The following CIC variants were observed in gnomAD, a reference collection of about 807,000 sequenced individuals.
The protein encoded by CIC is capicua transcriptional repressor, also known as protein capicua homolog.
Under a neutral mutation model 115.7 loss-of-function variants are expected in CIC, and 18 were observed. The observed-to-expected ratio is 0.16, with a 90% CI of 0.11 to 0.23. CIC has a LOEUF of 0.23. Ranked by LOEUF, CIC falls within the 10% of genes least tolerant of loss-of-function variation. The pLI, the probability that CIC is intolerant of heterozygous loss-of-function variation, is 1.00. For synonymous variants in CIC, 1,076 were observed against 923.0 expected, an observed-to-expected ratio of 1.17 and a Z score of -3.01; for missense variants, 2,000 against 2,159.3, an observed-to-expected ratio of 0.93 and a Z score of 1.46.
At position 42,293,815 on chromosome 19, in the gene CIC, A is replaced by G; in HGVS notation, c.6746A>G (p.Lys2249Arg). 1.2e-6 allele frequency: 2 copies of G among 1,612,498 alleles called. No homozygotes were observed. Among genetic ancestry groups the G allele is most frequent in the Non-Finnish European group, 1.7e-6 (2 of 1,179,378 alleles). The change falls in exon 17 of 21, where the codon AAG becomes AGG. Residue 2249 changes from lysine (K) to arginine (R), a missense_variant. This residue lies in a region of CIC where 99 missense variants were observed against 217.6 expected (regional missense o/e 0.45). Transcript: ENST00000681038. ...KVKVRPPPLK[K>R]TFDSVDNRVL... ...AAGGTGCGGCCCCCGCCCCTGAAGAAGACCTTTGACTCTGTGGACAAGTGA... is the reference window on the plus strand; with the variant it reads ...AAGGTGCGGCCCCCGCCCCTGAAGAGGACCTTTGACTCTGTGGACAAGTGA...
At position 42,271,778 on chromosome 19, in the gene CIC, A is replaced by G; in HGVS notation, c.-6A>G. 2.5e-6 allele frequency: 1 copy of G among 398,694 alleles called. No individual in the cohort carries two copies. The highest frequency in any genetic ancestry group is 4.4e-6 in the Non-Finnish European group (1 of 226,118). The allele number at this position is 398,694 out of a possible 1,614,324, so 24.7% of individuals were successfully genotyped here. On this transcript the variant is annotated 5_prime_UTR_variant, in exon 2 of 21. Transcript: ENST00000681038. ...CTCCGCTCTCCCACCCTGCAGGTGG[A>G]CAAAAATGAAGCCAATGAAGAAGGC...
chr19:42,289,289 C>T lies in CIC; in HGVS notation c.3970C>T (p.Arg1324Trp), dbSNP rs769792673. Residue 1324 changes from arginine (R) to tryptophan (W), a missense_variant, in exon 9 of 21, where the codon CGG (arginine) becomes TGG (tryptophan). Transcript: ENST00000681038. ...GEGGALAATG[R>W]PPLLPTRASR... ...GGGAGGTGCCTTGGCGGCCACTGGG[C>T]GGCCCCCGCTGCTGCCCACCCGAGC... is the stretch of plus-strand genomic sequence containing the variant. The T allele has an allele frequency of 5.0e-6, 8 of 1,613,748 alleles. No homozygotes were observed. The highest frequency in any genetic ancestry group is 2.7e-5 in the African/African-American group (2 of 74,946).
chr19:42,276,221 A>G (rs1470338905), intron 2 of CIC, among the ~76,000 whole-genome samples: 1 of 152,224 alleles, frequency 6.6e-6, no homozygotes, highest in African/African-American at 2.4e-5. Flanking sequence ...TGGAAAGTCA[A>G]AGACTCTAAA....
In CIC at chr19:42,272,448, G is replaced by T; in HGVS notation, c.665G>T (p.Arg222Leu). 2.5e-6 allele frequency: 1 copy of T among 398,532 alleles called. No individual in the cohort carries two copies. The allele number at this position is 398,532 out of a possible 1,614,324, so 24.7% of individuals were successfully genotyped here. A position where few individuals can be genotyped will look rare whatever the true frequency, so the allele number is the denominator to read the frequency against. Residue 222 changes from arginine (R) to leucine (L), a missense_variant, in exon 2 of 21, where the codon CGC becomes CTC. By Grantham distance (102) the Arg-to-Leu change is moderately radical (BLOSUM62 -2). Around this residue, in one of 8 missense-constraint regions of CIC, gnomAD observed 222 missense variants for 247.7 expected, o/e 0.90. Transcript: ENST00000681038. Reference protein sequence around the residue: ...GDGLFLPAVVRQVRRSQDLGV... With the variant: ...GDGLFLPAVVLQVRRSQDLGV... ...GGCCTTTTCCTGCCGGCTGTGGTGC[G>T]CCAGGTGCGCCGAAGCCAGGACCTG...
At chr19:42,293,506 G>A (rs1483600974) in intron 16 of CIC, 86 bp from the exon 17 acceptor site, 11 of 1,600,922 alleles carry the variant, frequency 6.9e-6, no homozygotes, top group South Asian at 5.6e-5. Context: ...TCTGCTGGGC[G>A]GGCTCAGATC....
chr19:42,289,053 G>A lies in CIC; in HGVS notation c.3824G>A (p.Gly1275Glu). 1 of 1,613,710 alleles carries A rather than the reference G, an allele frequency of 6.2e-7. No individual in the cohort carries two copies. Among genetic ancestry groups the A allele is most frequent in the Non-Finnish European group, 8.5e-7 (1 of 1,180,042 alleles). Residue 1275 changes from glycine (G) to glutamate (E), a missense_variant, in exon 8 of 21, where the codon GGA becomes GAA. Gly to Glu is a moderately conservative substitution (Grantham distance 98). Around this residue, in one of 8 missense-constraint regions of CIC, gnomAD observed 1,466 missense variants for 1,390.4 expected, o/e 1.05. Coordinates refer to ENST00000681038, the MANE Select transcript of CIC (RefSeq NM_001386298.1). The part of the protein sequence containing the change: ...SHSGVHSLDG[G>E]EVDSQALQEL... The stretch of plus-strand genomic sequence containing the variant: ...AGCGGGGTACACAGCCTGGACGGCG[G>A]AGAAGTAGACAGTCAGGCGCTACAG...
chr19:42,288,421 G>T (rs12984944), intron 7 of CIC, among the ~76,000 whole-genome samples: 5 of 152,280 alleles, frequency 3.3e-5, no homozygotes, highest in Non-Finnish European at 7.4e-5. Flanking sequence ...ACCCCTGATG[G>T]GCTGCTTCCA....
chr19:42,289,695 G>A (rs955705551), intron 9 of CIC, among the ~76,000 whole-genome samples, 153 bp from the exon 10 acceptor site: 1 of 152,142 alleles, frequency 6.6e-6, no homozygotes, highest in African/African-American at 2.4e-5. Flanking sequence ...GTGGGCACTG[G>A]GCATGTGGGC....
chr19:42,293,416 G>C, intron 16 of CIC, 135 bp downstream of exon 16: 1 of 1,342,278 alleles, frequency 7.5e-7, no homozygotes, highest in Non-Finnish European at 1.0e-6. Flanking sequence ...TGTCCCTTCT[G>C]CCTGCCTGTG....
chr19:42,291,805 T>TTA (rs2038136756), intron 12 of CIC, 60 bp downstream of exon 12: 6 of 1,597,124 alleles, frequency 3.8e-6, no homozygotes, highest in Non-Finnish European at 5.1e-6. Flanking sequence ...CATCATTTCT[T>TTA]TGTCTTTTTT....
chr19:42,274,009 T>G lies in CIC; in HGVS notation c.2226T>G (p.Ser742Arg), dbSNP rs1297743743. The G allele has an allele frequency of 5.0e-6, 2 of 398,430 alleles. No individual in the cohort carries two copies. Among genetic ancestry groups the G allele is most frequent in the Non-Finnish European group, 8.8e-6 (2 of 226,142 alleles). The allele number at this position is 398,430 out of a possible 1,614,324, so 24.7% of individuals were successfully genotyped here. A position where few individuals can be genotyped will look rare whatever the true frequency, so the allele number is the denominator to read the frequency against. The change falls in exon 2 of 21, where the codon AGT (serine) becomes AGG (arginine). Residue 742 changes from serine (S) to arginine (R), a missense_variant. Transcript: ENST00000681038. Reference sequence around the variant, plus strand: ...GAGCCGCCCCAGACTTTCCCAAGAGTGACAGCTTAGACTCTGGTGTGGACT... The same window carrying G: ...GAGCCGCCCCAGACTTTCCCAAGAGGGACAGCTTAGACTCTGGTGTGGACT... ...GGGAAPDFPK[S>R]DSLDSGVDSV... is the part of the protein sequence containing the mutation.
At chr19:42,277,960 C>T (rs568667806) in intron 2 of CIC, among the ~76,000 whole-genome samples, 1 of 152,378 alleles carries the variant, frequency 6.6e-6, no homozygotes, top group African/African-American at 2.4e-5. Flanking sequence ...CCAGATAGGG[C>T]AGACCGTGTT....
Position 42,287,287 on chromosome 19 carries a change from A to G in CIC, c.3180-33A>G, listed in dbSNP as rs777923996. The stretch of plus-strand genomic sequence containing the variant: ...ACTTGGGGGTGGGATGGCCAGAGAC[A>G]TGGCCCTCACTGTCCCTGCTGCCCC... On this transcript the variant is annotated intron_variant, in intron 4 of 20. Coordinates refer to ENST00000681038, the MANE Select transcript of CIC (RefSeq NM_001386298.1). This position sits in a 1 kb window ranked among gnomAD's most constrained non-coding sequence, Gnocchi z 8.7. 2 of 1,613,950 alleles carry G rather than the reference A, an allele frequency of 1.2e-6. No individual in the cohort carries two copies. The highest frequency in any genetic ancestry group is 1.7e-6 in the Non-Finnish European group (2 of 1,179,980).
At chr19:42,281,905 G>A (rs957361896) in intron 2 of CIC, among the ~76,000 whole-genome samples, 2 of 152,230 alleles carry the variant, frequency 1.3e-5, no homozygotes, top group Admixed American at 6.5e-5. Context: ...ACCAACAGAA[G>A]TCGGGGATCT....
intron 1 of CIC, among the ~76,000 whole-genome samples, chr19:42,269,778 C>G (rs1568482884): frequency 6.6e-6 from 1 of 151,068 alleles, no homozygotes; most frequent in Non-Finnish European, 1.5e-5. Flanking sequence ...AGGAGGGGGC[C>G]TAGGGCATTT....
rs2038387823 is a variant in CIC, at chr19:42,294,669, C to T, written c.7120C>T (p.Arg2374Cys). ...CAAGGTGCCATACTCCTCCCTGCGG[C>T]GCACCCTGGACCAGCGCCGGGCCCT... ...YDKVPYSSLR[R>C]TLDQRRALVM... The change falls in exon 20 of 21, where the codon CGC (arginine) becomes TGC (cysteine). Residue 2374 changes from arginine to cysteine, a missense_variant. Arg to Cys is a radical substitution (Grantham distance 180, BLOSUM62 -3). Coordinates refer to ENST00000681038, the MANE Select transcript of CIC (RefSeq NM_001386298.1). 1.2e-6 allele frequency: 2 copies of T among 1,613,748 alleles called. No homozygotes were observed.
chr19:42,294,474 C>A, intron 19 of CIC, 130 bp from the exon 20 acceptor site: 1 of 1,552,162 alleles, frequency 6.4e-7, no homozygotes, highest in Non-Finnish European at 8.8e-7. Context: ...TGCCCTGTGA[C>A]TGTGGGCAGG....
chr19:42,281,635 AC>A (rs1338987638), intron 2 of CIC, among the ~76,000 whole-genome samples: 2 of 151,914 alleles, frequency 1.3e-5, no homozygotes, highest in Non-Finnish European at 2.9e-5. Context: ...CTCCTAATCC[AC>A]CCCCACCCAG....
intron 19 of CIC, 90 bp from the exon 20 acceptor site, chr19:42,294,514 A>G (rs930016611): frequency 3.1e-6 from 5 of 1,593,380 alleles, no homozygotes; most frequent in African/African-American, 2.7e-5. Flanking sequence ...GTGAAATAGA[A>G]TGCAGTGAGG....
Sources: gnomAD v4.1 joint callset for allele counts (sites outside exome capture counted in the v4.1 genomes callset) on GRCh38, gnomAD v4.1.1 for gene constraint, gnomAD v4.1.1 regional missense constraint, Gnocchi (gnomAD v3.1) non-coding constraint, MANE v1.5 for transcripts, NCBI Gene and HGNC (gene_info 2026-07-23, HGNC 2026-07-21) for gene names.